Variants in NSMCE2 observed in about 807,000 individuals in gnomAD.
The protein encoded by NSMCE2 is NSE2 SUMO ligase component of SMC5/6 complex, also known as E3 SUMO-protein ligase NSE2.
A neutral mutation model predicts 23.8 loss-of-function variants in NSMCE2; 24 were observed. That is an observed-to-expected ratio of 1.01 (90% CI 0.73 to 1.42). NSMCE2 has a LOEUF of 1.42. NSMCE2 is among the 40% of genes most tolerant of loss of function. NSMCE2 has a pLI of 0.00. For synonymous variants in NSMCE2, 92 were observed against 94.1 expected (o/e 0.98, Z 0.13); for missense variants, 284 against 296.5 (o/e 0.96, Z 0.31).
At chr8:125,241,043 T>C (rs1159248110) in intron 5 of NSMCE2, among the ~76,000 whole-genome samples, 9 of 152,172 alleles carry the variant, frequency 5.9e-5, no homozygotes, top group African/African-American at 1.4e-4. Context: ...TTTCAGACTT[T>C]TTTGAATTTT....
At chr8:125,195,162 C>T (rs1002376709) in intron 5 of NSMCE2, among the ~76,000 whole-genome samples, 9 of 152,166 alleles carry the variant, frequency 5.9e-5, no homozygotes, top group Non-Finnish European at 8.8e-5. Flanking sequence ...TGGTTTACAG[C>T]GGAGGTGCTC....
chr8:125,318,555 C>T (rs142173304), intron 5 of NSMCE2, among the ~76,000 whole-genome samples: 3 of 152,232 alleles, frequency 2.0e-5, no homozygotes, highest in Non-Finnish European at 4.4e-5. Context: ...AGTATGTATA[C>T]AGTGATGTTA....
At chr8:125,161,227 T>C (rs1416056261) in intron 4 of NSMCE2, among the ~76,000 whole-genome samples, 2 of 152,184 alleles carry the variant, frequency 1.3e-5, no homozygotes, top group African/African-American at 4.8e-5. Context: ...ACTTTCCTTC[T>C]TTTGTGTTGT....
intron 3 of NSMCE2, among the ~76,000 whole-genome samples, chr8:125,148,112 T>G (rs1246159686): frequency 2.6e-5 from 4 of 152,208 alleles, no homozygotes; most frequent in African/African-American, 4.8e-5. Context: ...TCCTGTTCCC[T>G]TTGTTGCTTG....
chr8:125,162,893 T>A (rs1277880187), intron 4 of NSMCE2, among the ~76,000 whole-genome samples: 1 of 152,226 alleles, frequency 6.6e-6, no homozygotes, highest in Non-Finnish European at 1.5e-5. Flanking sequence ...AGTCATCTTT[T>A]TCATAAAGGT....
At chr8:125,276,108 C>T (rs1827439885) in intron 5 of NSMCE2, among the ~76,000 whole-genome samples, 1 of 152,296 alleles carries the variant, frequency 6.6e-6, no homozygotes, top group South Asian at 2.1e-4. Flanking sequence ...CCAGAAGTGG[C>T]TTTTTACAAA....
At chr8:125,280,601 T>C (rs574780628) in intron 5 of NSMCE2, among the ~76,000 whole-genome samples, 11 of 152,320 alleles carry the variant, frequency 7.2e-5, no homozygotes, top group Non-Finnish European at 1.3e-4. Context: ...TGTTCAGAAA[T>C]GATCCTATTA....
At chr8:125,280,997 G>C (rs191333028) in intron 5 of NSMCE2, among the ~76,000 whole-genome samples, 1 of 152,300 alleles carries the variant, frequency 6.6e-6, no homozygotes, top group South Asian at 2.1e-4. Flanking sequence ...GAGGTTTTCA[G>C]GAAGAAAACT....
chr8:125,178,917 G>A (rs1041412452), intron 4 of NSMCE2, among the ~76,000 whole-genome samples: 1 of 152,124 alleles, frequency 6.6e-6, no homozygotes, highest in Non-Finnish European at 1.5e-5. Context: ...CAGTAAGTGG[G>A]CCTTAATCCA....
At chr8:125,257,796 A>G (rs546432227) in intron 5 of NSMCE2, among the ~76,000 whole-genome samples, 2 of 152,142 alleles carry the variant, frequency 1.3e-5, no homozygotes, top group East Asian at 3.9e-4. Context: ...GGCCTCCCAA[A>G]GTCCTGGGAT....
intron 5 of NSMCE2, among the ~76,000 whole-genome samples, chr8:125,352,951 TACTC>T (rs1416959221): frequency 1.3e-5 from 2 of 152,330 alleles, no homozygotes; most frequent in African/African-American, 2.4e-5. Context: ...TGTGGTCTCT[TACTC>T]ACTCGTGACA....
chr8:125,287,537 A>G (rs192761417), intron 5 of NSMCE2, among the ~76,000 whole-genome samples: 141 of 152,178 alleles, frequency 9.3e-4, no homozygotes, highest in African/African-American at 3.1e-3. Flanking sequence ...AAGTAAGACA[A>G]CTTTCTCCTC....
intron 5 of NSMCE2, among the ~76,000 whole-genome samples, chr8:125,276,890 C>T (rs1404816083): frequency 6.6e-6 from 1 of 152,148 alleles, no homozygotes; most frequent in Non-Finnish European, 1.5e-5. Context: ...CCCACCTTGA[C>T]CACTGCATTG....
At chr8:125,106,753 T>C (rs1034087781) in intron 3 of NSMCE2, among the ~76,000 whole-genome samples, 5 of 151,774 alleles carry the variant, frequency 3.3e-5, no homozygotes, top group Non-Finnish European at 7.4e-5. Flanking sequence ...CCTAGCACTT[T>C]AGGAAGCCGA....
intron 5 of NSMCE2, among the ~76,000 whole-genome samples, chr8:125,210,324 T>C (rs1299084875): frequency 6.6e-6 from 1 of 152,252 alleles, no homozygotes; most frequent in Non-Finnish European, 1.5e-5. Context: ...AATTGCTTTC[T>C]GATATATGCT....
chr8:125,233,088 C>T (rs1294091175), intron 5 of NSMCE2, among the ~76,000 whole-genome samples: 1 of 152,126 alleles, frequency 6.6e-6, no homozygotes, highest in Non-Finnish European at 1.5e-5. Flanking sequence ...TGAAGCGTGG[C>T]AGATCACTTT....
At chr8:125,159,047 T>G (rs1292947307) in intron 4 of NSMCE2, among the ~76,000 whole-genome samples, 2 of 152,228 alleles carry the variant, frequency 1.3e-5, no homozygotes, top group African/African-American at 4.8e-5. Flanking sequence ...CACCTCATTC[T>G]GAGTTGTGTG....
At chr8:125,122,899 C>G (rs1475027042) in intron 3 of NSMCE2, among the ~76,000 whole-genome samples, 1 of 152,168 alleles carries the variant, frequency 6.6e-6, no homozygotes, top group Non-Finnish European at 1.5e-5. Flanking sequence ...CTACTCAACT[C>G]TGCCATTTTC....
At chr8:125,200,864 GT>G (rs569701168) in intron 5 of NSMCE2, among the ~76,000 whole-genome samples, 268 of 151,940 alleles carry the variant, frequency 1.8e-3, no homozygotes, top group African/African-American at 6.0e-3. Flanking sequence ...TGGAGGCTTT[GT>G]TTCTTTTTAC....
Sources: gnomAD v4.1 joint callset for allele counts (sites outside exome capture counted in the v4.1 genomes callset) on GRCh38, gnomAD v4.1.1 for gene constraint, MANE v1.5 for transcripts, NCBI Gene and HGNC (gene_info 2026-07-23, HGNC 2026-07-21) for gene names.